FNTB: variants seen among roughly 807,000 people sequenced by gnomAD.
The protein encoded by FNTB is farnesyltransferase, CAAX box, subunit beta.
FNTB carries 27 observed loss-of-function variants against 59.4 expected under a neutral mutation model. That is an observed-to-expected ratio of 0.45 (90% confidence interval 0.34 to 0.63). FNTB has a LOEUF of 0.63. Ranked by LOEUF, FNTB falls within the 20% of genes least tolerant of loss-of-function variation. The pLI is 0.02. For synonymous variants in FNTB, 230 were observed against 220.7 expected (o/e 1.04, Z -0.37); for missense variants, 449 against 559.6 (o/e 0.80, Z 1.99).
At chr14:65,060,604 G>A (rs2062840906) in intron 11 of FNTB, among the ~76,000 whole-genome samples, 1 of 124,912 alleles carries the variant, frequency 8.0e-6, no homozygotes, top group Non-Finnish European at 1.5e-5. Context: ...GCTGAGGCAG[G>A]AGAATGGCGT....
In FNTB at chr14:64,987,108, A is replaced by G; in HGVS notation, c.144+11A>G. ...ACGTCCATAGAACAGGTGAGGTGGCAGGACTGGGCGAGGCGCCCGCGCGAT... is the reference window on the plus strand; with the variant it reads ...ACGTCCATAGAACAGGTGAGGTGGCGGGACTGGGCGAGGCGCCCGCGCGAT... On this transcript the variant is annotated intron_variant, in intron 1 of 11. Transcript: ENST00000246166. The G allele has an allele frequency of 1.9e-6, 3 of 1,614,062 alleles. No individual in the cohort carries two copies. The highest frequency in any genetic ancestry group is 2.5e-6 in the Non-Finnish European group (3 of 1,180,008).
intron 4 of FNTB, among the ~76,000 whole-genome samples, chr14:65,021,110 A>G (rs1337346622): frequency 6.6e-6 from 1 of 152,232 alleles, no homozygotes; most frequent in African/African-American, 2.4e-5. Context: ...GAACTAGACT[A>G]AGTACATTTG....
rs1435721307 is a variant in FNTB at position 65,030,566 on chromosome 14, C to T, written c.606-2044C>T. 6.6e-6 allele frequency among the ~76,000 whole-genome samples: 1 copy of T among 152,018 alleles called. No homozygotes were observed. The highest frequency in any genetic ancestry group is 1.5e-5 in the Non-Finnish European group (1 of 68,014). ...CCAACCTGGGTAACACAGCAAGACC[C>T]TGTCTCTACAAAAAATTTTTAAAAA... On this transcript the variant is annotated intron_variant, in intron 6 of 11. Transcript: ENST00000246166. This position sits in a 1 kb window ranked among gnomAD's most constrained non-coding sequence, Gnocchi z 4.5.
intron 2 of FNTB, among the ~76,000 whole-genome samples, chr14:65,006,809 T>C (rs1322156708): frequency 6.6e-6 from 1 of 152,264 alleles, no homozygotes; most frequent in African/African-American, 2.4e-5. Context: ...AGAAAGACTT[T>C]TATTCACACT....
chr14:64,987,477 G>A, intron 1 of FNTB: 1 of 229,126 alleles, frequency 4.4e-6, no homozygotes, highest in East Asian at 9.2e-5. Flanking sequence ...TTCCCAACCT[G>A]CCCTCAGCTT....
chr14:64,992,492 A>C (rs140425977), intron 1 of FNTB, among the ~76,000 whole-genome samples: 2 of 152,300 alleles, frequency 1.3e-5, no homozygotes, highest in African/African-American at 4.8e-5. Context: ...CACTGGAGCC[A>C]CTTTTTGAGT....
intron 4 of FNTB, among the ~76,000 whole-genome samples, chr14:65,018,186 A>G (rs1414483190): frequency 2.6e-5 from 4 of 151,800 alleles, no homozygotes; most frequent in African/African-American, 9.7e-5. Context: ...AAAAATAAAA[A>G]TAAAAATAGC....
At chr14:65,021,972 A>AT in intron 4 of FNTB, 1 of 455,976 alleles carries the variant, frequency 2.2e-6, no homozygotes, top group Non-Finnish European at 4.4e-6. Flanking sequence ...CGACCTGACC[A>AT]TTCTTCCAGA....
At chr14:64,998,819 A>T (rs1888497869) in intron 1 of FNTB, among the ~76,000 whole-genome samples, 1 of 152,246 alleles carries the variant, frequency 6.6e-6, no homozygotes, top group South Asian at 2.1e-4. Context: ...AAACAAGTTT[A>T]GCTTAGTTTC....
rs1034484220 is a variant in FNTB, at chr14:65,001,419, G to C, written c.145-2830G>C. 2.6e-5 allele frequency among the ~76,000 whole-genome samples: 4 copies of C among 152,162 alleles called. No individual in the cohort carries two copies. Among genetic ancestry groups the C allele is most frequent in the South Asian group, 2.1e-4 (1 of 4,832 alleles). The stretch of plus-strand genomic sequence containing the variant: ...GTAGGCCACACTATACAGCCTATGC[G>C]TGTGGTAGGCTATACCACCCAGGTT... On this transcript the variant is annotated intron_variant, in intron 1 of 11. Transcript: ENST00000246166. This position sits in a 1 kb window ranked among gnomAD's most constrained non-coding sequence, Gnocchi z 5.5.
intron 4 of FNTB, among the ~76,000 whole-genome samples, chr14:65,024,386 C>G (rs1385111794): frequency 6.6e-6 from 1 of 152,152 alleles, no homozygotes; most frequent in Non-Finnish European, 1.5e-5. Context: ...AGTGATGGCT[C>G]AAGCTTTGCA....
chr14:64,989,743 C>T (rs938847815), intron 1 of FNTB, among the ~76,000 whole-genome samples: 1 of 152,184 alleles, frequency 6.6e-6, no homozygotes, highest in African/African-American at 2.4e-5. Flanking sequence ...AGGCACTGTT[C>T]TAGACACTCG....
chr14:65,042,779 C>T (rs577821426), intron 8 of FNTB, among the ~76,000 whole-genome samples: 3 of 152,296 alleles, frequency 2.0e-5, no homozygotes, highest in South Asian at 2.1e-4. Context: ...TTAAGCCCTG[C>T]GGTAAGTAGA....
At chr14:65,053,667 C>T (rs567608521) in intron 10 of FNTB, among the ~76,000 whole-genome samples, 135 of 147,724 alleles carry the variant, frequency 9.1e-4, no homozygotes, top group African/African-American at 3.4e-3. Flanking sequence ...GAATAGGATA[C>T]AGGATTTTAA....
At chr14:65,057,761 T>G (rs2062770624) in intron 11 of FNTB, among the ~76,000 whole-genome samples, 1 of 152,186 alleles carries the variant, frequency 6.6e-6, no homozygotes, top group South Asian at 2.1e-4. Flanking sequence ...TAATGTTATC[T>G]TTTTTCCATA....
rs899139760 is a variant in FNTB at position 65,062,344 on chromosome 14, A to C, written c.*1032A>C. 9 of 152,362 alleles carry C rather than the reference A, an allele frequency of 5.9e-5. No individual in the cohort carries two copies. The highest frequency in any genetic ancestry group is 2.2e-4 in the African/African-American group (9 of 41,472). 9.4% of individuals were successfully genotyped at this position (152,362 alleles called of 1,614,324 possible). ...TCAAGTGCTAGACACACTGGCTGCT[A>C]CTAAGGCACTAGCCTCTGTAGCTGG... On this transcript the variant is annotated 3_prime_UTR_variant, in exon 12 of 12. Coordinates refer to ENST00000246166, the MANE Select transcript of FNTB (RefSeq NM_002028.4). The surrounding 1 kb of genome is among the most constrained non-coding windows in gnomAD (Gnocchi z 4.3).
In FNTB at chr14:65,012,233, C is replaced by T; in HGVS notation, c.210-84C>T. On this transcript the variant is annotated intron_variant, in intron 2 of 11. Transcript: ENST00000246166. The surrounding 1 kb of genome is among the most constrained non-coding windows in gnomAD (Gnocchi z 5.0). Reference sequence around the variant, plus strand: ...GGGACGTCCTGAAGCTGAGTGTTTACCCGTGTGTGTGTACGTGCACATACG... The same window carrying T: ...GGGACGTCCTGAAGCTGAGTGTTTATCCGTGTGTGTGTACGTGCACATACG... 2 of 1,551,950 alleles carry T rather than the reference C, an allele frequency of 1.3e-6. No individual in the cohort carries two copies. The highest frequency in any genetic ancestry group is 3.4e-5 in the Admixed American group (2 of 59,222).
Position 65,027,743 on chromosome 14 carries a change from C to T in FNTB, c.567C>T (p.Gly189=), listed in dbSNP as rs1470517383. ...TGTACTCCCTGAAGCAACCTGACGGCTCCTTTCTCATGCATGTCGGAGGTG... is the reference window on the plus strand; with the variant it reads ...TGTACTCCCTGAAGCAACCTGACGGTTCCTTTCTCATGCATGTCGGAGGTG... ...QYLYSLKQPD[G]SFLMHVGGEV... Residue 189 remains glycine, a synonymous_variant, in exon 6 of 12, where the codon GGC becomes GGT. Transcript: ENST00000246166. The surrounding 1 kb of genome is among the most constrained non-coding windows in gnomAD (Gnocchi z 5.7). The T allele has an allele frequency of 7.4e-6, 12 of 1,614,052 alleles. No homozygotes were observed. Among genetic ancestry groups the T allele is most frequent in the Middle Eastern group, 1.6e-4 (1 of 6,084 alleles).
intron 3 of FNTB, among the ~76,000 whole-genome samples, chr14:65,013,956 A>G (rs894444081): frequency 2.1e-4 from 32 of 152,234 alleles, no homozygotes; most frequent in Admixed American, 1.6e-3. Context: ...AAAGGCACAT[A>G]GCGAGTAAGA....
Sources: gnomAD v4.1 joint callset for allele counts (sites outside exome capture counted in the v4.1 genomes callset) on GRCh38, gnomAD v4.1.1 for gene constraint, Gnocchi (gnomAD v3.1) non-coding constraint, MANE v1.5 for transcripts, NCBI Gene and HGNC (gene_info 2026-07-23, HGNC 2026-07-21) for gene names.